The following SGF29 variants were observed in gnomAD, a reference collection of about 807,000 sequenced individuals.
The protein encoded by SGF29 is SAGA complex associated factor 29, also known as SAGA-associated factor 29.
In SGF29, 15 loss-of-function variants were observed where a neutral mutation model predicts 38.1. The observed-to-expected ratio is 0.39, with a 90% CI of 0.26 to 0.61. The LOEUF is 0.61. Ranked by LOEUF, SGF29 falls within the 20% of genes least tolerant of loss-of-function variation. SGF29 has a pLI of 0.49. For missense variants in SGF29, 184 were observed against 394.6 expected (o/e 0.47, Z 4.52); for synonymous variants, 151 against 160.8 (o/e 0.94, Z 0.46).
chr16:28,586,015 A>C (rs1185679487), intron 4 of SGF29, among the ~76,000 whole-genome samples: 2 of 152,230 alleles, frequency 1.3e-5, no homozygotes, highest in African/African-American at 4.8e-5. Flanking sequence ...TGGGTAGCTC[A>C]GATCTGTAAT....
intron 1 of SGF29, among the ~76,000 whole-genome samples, chr16:28,556,340 T>G (rs1228254014): frequency 6.6e-6 from 1 of 151,720 alleles, no homozygotes; most frequent in East Asian, 1.9e-4. Context: ...TGGCTAATTT[T>G]TTGTTTGTTT....
At chr16:28,582,284 G>A (rs1252406938) in intron 2 of SGF29, among the ~76,000 whole-genome samples, 2 of 152,180 alleles carry the variant, frequency 1.3e-5, no homozygotes, top group African/African-American at 2.4e-5. Flanking sequence ...AAGGATGAGC[G>A]GTAGCCAGGG....
Position 28,590,046 on chromosome 16 carries a change from C to T in SGF29, c.290-50C>T. On this transcript the variant is annotated intron_variant, in intron 5 of 9. Transcript: ENST00000317058. This position sits in a 1 kb window ranked among gnomAD's most constrained non-coding sequence, Gnocchi z 8.2. ...AGCTCAGTGCAGCATGCTCGGGGGT[C>T]AAGGCCGGCACCTATCCCTGGGGCC... is the stretch of plus-strand genomic sequence containing the variant. The T allele has an allele frequency of 6.3e-7, 1 of 1,578,194 alleles. No homozygotes were observed. Among genetic ancestry groups the T allele is most frequent in the Non-Finnish European group, 8.6e-7 (1 of 1,163,720 alleles).
intron 1 of SGF29, among the ~76,000 whole-genome samples, chr16:28,564,779 A>ATGTATATATATGTG (rs1567286253): frequency 1.6e-5 from 2 of 126,782 alleles, no homozygotes; most frequent in Non-Finnish European, 3.3e-5. Context: ...ATATGTATAT[A>ATGTATATATATGTG]TATATATACA....
rs770242742 is a variant in SGF29 at position 28,581,079 on chromosome 16, G to A, written c.10G>A (p.Val4Met). The A allele has an allele frequency of 6.8e-6, 11 of 1,613,750 alleles. No individual in the cohort carries two copies. In the Admixed American group the frequency reaches 1.2e-4, roughly 17 times the overall value. The part of the protein sequence containing the change: MAL[V>M]SADSRIAELL... ...GGTGCCCCTGTAGACAATGGCCCTC[G>A]TGTCTGCCGATTCCCGCATTGCAGA... The change falls in exon 2 of 10, where the codon GTG (valine) becomes ATG (methionine). Residue 4 changes from valine to methionine, a missense_variant. Around this residue, in one of 2 missense-constraint regions of SGF29, gnomAD observed 77 missense variants for 117.7 expected, o/e 0.65. Coordinates refer to ENST00000317058, the MANE Select transcript of SGF29 (RefSeq NM_138414.3).
At chr16:28,575,287 G>A (rs1041673224) in intron 1 of SGF29, among the ~76,000 whole-genome samples, 5 of 152,184 alleles carry the variant, frequency 3.3e-5, no homozygotes, top group Non-Finnish European at 7.3e-5. Context: ...TAAAAACAGT[G>A]TCGTACATGT....
chr16:28,578,372 A>G (rs912401237), intron 1 of SGF29, among the ~76,000 whole-genome samples: 16 of 151,946 alleles, frequency 1.1e-4, no homozygotes, highest in African/African-American at 2.9e-4. Flanking sequence ...CTCCAGAACA[A>G]TGTTGACTAG....
chr16:28,583,829 C>CT (rs551491473), intron 2 of SGF29, among the ~76,000 whole-genome samples: 1 of 151,730 alleles, frequency 6.6e-6, no homozygotes, highest in African/African-American at 2.4e-5. Flanking sequence ...AGTTCTCCAA[C>CT]TTTTTTTTTC....
At position 28,590,949 on chromosome 16, in the gene SGF29, C is replaced by A. The variant is rs373479351; in HGVS notation, c.765+14C>A. On this transcript the variant is annotated intron_variant, in intron 9 of 9. Transcript: ENST00000317058. The surrounding 1 kb of genome is among the most constrained non-coding windows in gnomAD (Gnocchi z 8.2). ...CCCCCACAGCGGGTAAAGCAGCCTC[C>A]AGGGGAGAGGCCATGGGTGATGTCA... is the stretch of plus-strand genomic sequence containing the variant. 122 of 1,598,496 alleles carry A rather than the reference C, an allele frequency of 7.6e-5. No homozygotes were observed. Among genetic ancestry groups the A allele is most frequent in the Non-Finnish European group, 1.0e-4 (119 of 1,171,718 alleles).
At chr16:28,563,107 G>A (rs2151642401) in intron 1 of SGF29, among the ~76,000 whole-genome samples, 1 of 152,044 alleles carries the variant, frequency 6.6e-6, no homozygotes, top group East Asian at 1.9e-4. Flanking sequence ...ATCCTTTAAT[G>A]TTGCATTTTT....
At chr16:28,572,842 C>T (rs1263046318) in intron 1 of SGF29, among the ~76,000 whole-genome samples, 2 of 152,140 alleles carry the variant, frequency 1.3e-5, no homozygotes, top group African/African-American at 4.8e-5. Flanking sequence ...TGCCTCCTCT[C>T]ACACAGCCCC....
At chr16:28,557,077 G>T (rs1196850280) in intron 1 of SGF29, among the ~76,000 whole-genome samples, 1 of 152,148 alleles carries the variant, frequency 6.6e-6, no homozygotes, top group Non-Finnish European at 1.5e-5. Context: ...ATCTTAGAGT[G>T]GCTTAAGTGT....
chr16:28,576,897 G>A (rs1323302291), intron 1 of SGF29, among the ~76,000 whole-genome samples: 1 of 152,190 alleles, frequency 6.6e-6, no homozygotes, highest in East Asian at 1.9e-4. Context: ...GCTCACGCCT[G>A]TAATCCCAGC....
chr16:28,555,887 A>G (rs1431814188), intron 1 of SGF29, among the ~76,000 whole-genome samples: 1 of 152,190 alleles, frequency 6.6e-6, no homozygotes, highest in Non-Finnish European at 1.5e-5. Context: ...ACTATTGAAT[A>G]TGCTGAAGTC....
At chr16:28,556,874 C>T (rs1395493196) in intron 1 of SGF29, among the ~76,000 whole-genome samples, 1 of 152,098 alleles carries the variant, frequency 6.6e-6, no homozygotes, top group African/African-American at 2.4e-5. Context: ...TCCTGAACTC[C>T]TGACTTCAAG....
chr16:28,590,649 C>T lies in SGF29; in HGVS notation c.585C>T (p.Ile195=), dbSNP rs767274543. Residue 195 remains isoleucine (I), a synonymous_variant, in exon 8 of 10, where the codon ATC becomes ATT. Transcript: ENST00000317058. The surrounding 1 kb of genome is among the most constrained non-coding windows in gnomAD (Gnocchi z 8.2). ...HATNKYEVDD[I]DEEGKERHTL... ...TCTGCAGGTATGAGGTAGATGACAT[C>T]GATGAAGAAGGCAAAGAGTGAGTGT... 8 of 1,613,858 alleles carry T rather than the reference C, an allele frequency of 5.0e-6. No homozygotes were observed. The East Asian group carries it at 8.9e-5, about 18-fold the overall frequency.
At chr16:28,583,900 C>T (rs902525130) in intron 2 of SGF29, among the ~76,000 whole-genome samples, 1 of 152,048 alleles carries the variant, frequency 6.6e-6, no homozygotes, top group African/African-American at 2.4e-5. Flanking sequence ...TTAGGATGAA[C>T]TTGTCAATTT....
At chr16:28,568,769 G>A (rs191058014) in intron 1 of SGF29, among the ~76,000 whole-genome samples, 35 of 151,564 alleles carry the variant, frequency 2.3e-4, no homozygotes, top group Non-Finnish European at 4.6e-4. Flanking sequence ...AAAAATTAGC[G>A]GGGCATGGTG....
At chr16:28,575,853 A>G (rs2046889231) in intron 1 of SGF29, among the ~76,000 whole-genome samples, 2 of 152,010 alleles carry the variant, frequency 1.3e-5, no homozygotes, top group Admixed American at 1.3e-4. Flanking sequence ...GCTGTAATCA[A>G]AAAGAGAGAG....
Sources: gnomAD v4.1 joint callset for allele counts (sites outside exome capture counted in the v4.1 genomes callset) on GRCh38, gnomAD v4.1.1 for gene constraint, gnomAD v4.1.1 regional missense constraint, Gnocchi (gnomAD v3.1) non-coding constraint, MANE v1.5 for transcripts, NCBI Gene and HGNC (gene_info 2026-07-23, HGNC 2026-07-21) for gene names.